MED12L: variants seen among roughly 807,000 people sequenced by gnomAD.
The protein encoded by MED12L is mediator of RNA polymerase II transcription subunit 12-like protein.
In MED12L, 60 loss-of-function variants were observed where a neutral mutation model predicts 281.3. The ratio of observed to expected loss-of-function variants is 0.21; its 90% confidence interval spans 0.17 to 0.26. MED12L has a LOEUF of 0.26. MED12L is among the 10% of genes least tolerant of loss of function. MED12L has a pLI of 1.00. For synonymous variants in MED12L, 974 were observed against 987.2 expected (o/e 0.99, Z 0.25); for missense variants, 2,146 against 2,680.9 (o/e 0.80, Z 4.41).
intron 42 of MED12L, among the ~76,000 whole-genome samples, chr3:151,415,007 A>G (rs1005233565): frequency 1.3e-5 from 2 of 152,180 alleles, no homozygotes; most frequent in Non-Finnish European, 2.9e-5. Context: ...TTCTGAGGCT[A>G]TGTTTCAGAA....
At chr3:151,339,203 A>T (rs1277510020) in intron 16 of MED12L, among the ~76,000 whole-genome samples, 1 of 151,838 alleles carries the variant, frequency 6.6e-6, no homozygotes, top group African/African-American at 2.4e-5. Context: ...GCTGTGCTTT[A>T]CTCTTCTCTA....
rs150088258 is a variant in MED12L, at chr3:151,222,732, G to A, written c.2250+29066G>A. On this transcript the variant is annotated intron_variant, in intron 16 of 44. Transcript: ENST00000687756. ...AAAATGGACTAATAAAGCATGATAT[G>A]CTGCTGGTCCATGTACCACTCTTTG... Among the ~76,000 whole-genome samples the A allele has an allele frequency of 7.9e-3, 1,199 of 152,274 alleles. 1 individual carries two copies. The highest frequency in any genetic ancestry group is 0.012 in the South Asian group (60 of 4,818).
intron 5 of MED12L, among the ~76,000 whole-genome samples, chr3:151,142,606 C>A (rs1303668918): frequency 6.6e-6 from 1 of 152,136 alleles, no homozygotes; most frequent in Non-Finnish European, 1.5e-5. Context: ...TCATGCATAT[C>A]CTCTGAGATA....
intron 16 of MED12L, among the ~76,000 whole-genome samples, chr3:151,263,682 A>G (rs1033307812): frequency 5.3e-5 from 8 of 152,246 alleles, no homozygotes; most frequent in Non-Finnish European, 1.0e-4. Context: ...TCAGTGAATA[A>G]GGACTCATCT....
intron 20 of MED12L, among the ~76,000 whole-genome samples, chr3:151,358,574 T>G (rs1243219916): frequency 6.7e-6 from 1 of 149,828 alleles, no homozygotes; most frequent in Non-Finnish European, 1.5e-5. Context: ...TTTTTGTTTT[T>G]GTTTTTTGTT....
intron 43 of MED12L, among the ~76,000 whole-genome samples, chr3:151,427,040 A>G (rs1342061577): frequency 1.3e-5 from 2 of 151,598 alleles, no homozygotes; most frequent in East Asian, 1.9e-4. Context: ...CTGGTCTTGA[A>G]CTCCCAGGCT....
rs116587099 is a variant in MED12L at position 151,293,476 on chromosome 3, G to A, written c.2251-56583G>A. ...GAGTGGGGGTGAGGCATGAAGCACA[G>A]AGAGGAGGCAGAAGCATTTCCACAG... is the stretch of plus-strand genomic sequence containing the variant. On this transcript the variant is annotated intron_variant, in intron 16 of 44. Coordinates refer to ENST00000687756, the MANE Select transcript of MED12L (RefSeq NM_001393769.1). Among the ~76,000 whole-genome samples, 284 of 152,128 alleles carry A rather than the reference G, an allele frequency of 1.9e-3. 1 individual carries two copies. Among genetic ancestry groups the A allele is most frequent in the Middle Eastern group, 3.4e-3 (1 of 294 alleles).
chr3:151,238,426 C>T (rs560687921), intron 16 of MED12L, among the ~76,000 whole-genome samples: 8 of 152,254 alleles, frequency 5.3e-5, no homozygotes, highest in Admixed American at 1.3e-4. Flanking sequence ...GGATTACAGG[C>T]GTGAGCCACC....
chr3:151,154,910 C>T (rs1028455731), intron 5 of MED12L, among the ~76,000 whole-genome samples: 3 of 152,140 alleles, frequency 2.0e-5, no homozygotes, highest in Non-Finnish European at 4.4e-5. Flanking sequence ...GAATGTCGAC[C>T]TAGTATTTGT....
intron 4 of MED12L, among the ~76,000 whole-genome samples, chr3:151,125,295 G>A (rs989227558): frequency 6.6e-6 from 1 of 152,170 alleles, no homozygotes; most frequent in African/African-American, 2.4e-5. Flanking sequence ...TTTCACATAT[G>A]TTCTTCTTAA....
At chr3:151,124,202 A>G (rs1421792373) in intron 4 of MED12L, among the ~76,000 whole-genome samples, 2 of 152,082 alleles carry the variant, frequency 1.3e-5, no homozygotes, top group African/African-American at 4.8e-5. Flanking sequence ...TTTAGAGTGC[A>G]TATTTTGGAT....
At chr3:151,315,572 A>G (rs1297533705) in intron 16 of MED12L, among the ~76,000 whole-genome samples, 1 of 152,212 alleles carries the variant, frequency 6.6e-6, no homozygotes, top group Admixed American at 6.6e-5. Context: ...GAGGTCAGAA[A>G]CAAGAGTCTG....
At chr3:151,339,396 T>A (rs1237477190) in intron 16 of MED12L, among the ~76,000 whole-genome samples, 1 of 150,722 alleles carries the variant, frequency 6.6e-6, no homozygotes. Flanking sequence ...GGAAAATTAC[T>A]CTTGGGAAAC....
chr3:151,421,000 A>G (rs1038847953), intron 43 of MED12L, among the ~76,000 whole-genome samples: 1 of 152,188 alleles, frequency 6.6e-6, no homozygotes, highest in African/African-American at 2.4e-5. Flanking sequence ...ACCCTGAGGA[A>G]TGGTGGCATA....
intron 16 of MED12L, among the ~76,000 whole-genome samples, chr3:151,253,088 A>G (rs1189964261): frequency 6.6e-6 from 1 of 152,172 alleles, no homozygotes; most frequent in Non-Finnish European, 1.5e-5. Flanking sequence ...CTCTTGGGAA[A>G]TTGTAAGGAA....
At position 151,360,460 on chromosome 3, in the gene MED12L, A is replaced by G. The variant is rs750254081; in HGVS notation, c.2826-14A>G. 5 of 1,608,692 alleles carry G rather than the reference A, an allele frequency of 3.1e-6. No individual in the cohort carries two copies. In the South Asian group the frequency reaches 3.3e-5, roughly 11 times the overall value. Reference sequence around the variant, plus strand: ...AAATCTATGTCTTATTTCTTCGTATATTTTTCTCCTCAGGTTGTGTGGTGT... The same window carrying G: ...AAATCTATGTCTTATTTCTTCGTATGTTTTTCTCCTCAGGTTGTGTGGTGT... On this transcript the variant is annotated splice_polypyrimidine_tract_variant and intron_variant, in intron 20 of 44. Coordinates refer to ENST00000687756, the MANE Select transcript of MED12L (RefSeq NM_001393769.1).
chr3:151,106,328 C>T (rs1400487017), intron 2 of MED12L, among the ~76,000 whole-genome samples: 2 of 128,022 alleles, frequency 1.6e-5, no homozygotes, highest in East Asian at 2.9e-4. Flanking sequence ...CCTCCCCTCC[C>T]CTCCCCTCCC....
chr3:151,292,524 G>A (rs1744395556), intron 16 of MED12L, among the ~76,000 whole-genome samples: 1 of 147,206 alleles, frequency 6.8e-6, no homozygotes, highest in South Asian at 2.2e-4. Context: ...CCTGACCTTG[G>A]CTTCCCTAAG....
At chr3:151,163,089 A>G (rs1027129031) in intron 8 of MED12L, among the ~76,000 whole-genome samples, 1 of 152,220 alleles carries the variant, frequency 6.6e-6, no homozygotes, top group Non-Finnish European at 1.5e-5. Context: ...TGCTATTAAT[A>G]AAATCAAACT....
Sources: gnomAD v4.1 joint callset for allele counts (sites outside exome capture counted in the v4.1 genomes callset) on GRCh38, gnomAD v4.1.1 for gene constraint, MANE v1.5 for transcripts, NCBI Gene and HGNC (gene_info 2026-07-23, HGNC 2026-07-21) for gene names.